Variants in ZNF536 observed in about 807,000 individuals in gnomAD.
ZNF536 encodes zinc finger protein 536.
ZNF536 carries 13 observed loss-of-function variants against 84.5 expected under a neutral mutation model. The ratio of observed to expected loss-of-function variants is 0.15; its 90% CI spans 0.10 to 0.24. The LOEUF (loss-of-function observed/expected upper bound fraction) is 0.24. Ranked by LOEUF, ZNF536 falls within the 10% of genes least tolerant of loss-of-function variation. The pLI is 1.00. For missense variants in ZNF536, 1,536 were observed against 1,747.5 expected, an observed-to-expected ratio of 0.88 and a Z score of 2.16; for synonymous variants, 811 against 742.5, an observed-to-expected ratio of 1.09 and a Z score of -1.50.
intron 2 of ZNF536, among the ~76,000 whole-genome samples, chr19:30,494,448 T>C (rs546952423): frequency 6.6e-6 from 1 of 152,324 alleles, no homozygotes; most frequent in South Asian, 2.1e-4. Context: ...GAATCTGCTG[T>C]CTGAAGGGTG....
At chr19:30,373,754 G>A (rs769132180) in intron 1 of ZNF536, among the ~76,000 whole-genome samples, 2 of 152,220 alleles carry the variant, frequency 1.3e-5, no homozygotes, top group African/African-American at 2.4e-5. Flanking sequence ...AGAAAGCCCC[G>A]GCAAATCTGC....
intron 1 of ZNF536, among the ~76,000 whole-genome samples, chr19:30,570,204 C>T (rs2037945218): frequency 6.6e-6 from 1 of 152,186 alleles, no homozygotes; most frequent in Admixed American, 6.5e-5. Context: ...CGTGCCCTGC[C>T]ATGCAGCTCA....
downstream of ZNF536, among the ~76,000 whole-genome samples, chr19:30,559,611 C>T (rs1460040128): frequency 6.6e-6 from 1 of 152,150 alleles, no homozygotes; most frequent in Non-Finnish European, 1.5e-5. Context: ...CACCATAGCA[C>T]CTGTGGGTTT....
Position 30,231,583 on chromosome 19 carries a change from A to G in ZNF536, c.-190+2910A>G, listed in dbSNP as rs550036434. ...GGTCTCTGTCTGCCTGGTTGGGCTC[A>G]CCTGTGTGCTTCATGTGGTACCTGC... On this transcript the variant is annotated intron_variant, in intron 1 of 5. Transcript: ENST00000585628. 6.6e-5 allele frequency among the ~76,000 whole-genome samples: 10 copies of G among 152,220 alleles called. 1 individual carries two copies. The highest frequency in any genetic ancestry group is 6.5e-4 in the Admixed American group (10 of 15,304).
chr19:30,467,650 T>A (rs2053470812), intron 2 of ZNF536, among the ~76,000 whole-genome samples: 1 of 152,192 alleles, frequency 6.6e-6, no homozygotes, highest in African/African-American at 2.4e-5. Context: ...GGCCATTCAT[T>A]CATGGATTGT....
At chr19:30,384,775 T>C (rs1314440179) in intron 1 of ZNF536, among the ~76,000 whole-genome samples, 2 of 152,076 alleles carry the variant, frequency 1.3e-5, no homozygotes, top group African/African-American at 2.4e-5. Flanking sequence ...ATCTTTAATC[T>C]CAGTGCTTTG....
At chr19:30,551,665 G>C (rs998519136) in intron 4 of ZNF536, among the ~76,000 whole-genome samples, 3 of 152,214 alleles carry the variant, frequency 2.0e-5, no homozygotes, top group African/African-American at 7.2e-5. Context: ...CAGGCCCCTT[G>C]TTCCGCCTTC....
At chr19:30,674,725 G>A (rs1257391756) in intron 1 of ZNF536, among the ~76,000 whole-genome samples, 1 of 152,192 alleles carries the variant, frequency 6.6e-6, no homozygotes. Context: ...AGCTTGTCCA[G>A]CTTGCCTCTG....
intron 1 of ZNF536, among the ~76,000 whole-genome samples, chr19:30,374,996 C>A (rs905112612): frequency 6.6e-6 from 1 of 151,824 alleles, no homozygotes; most frequent in South Asian, 2.1e-4. Context: ...GGAGATCGGG[C>A]GCGCGGGCGC....
intron 1 of ZNF536, among the ~76,000 whole-genome samples, chr19:30,420,835 G>A (rs182320752): frequency 1.3e-5 from 2 of 152,228 alleles, no homozygotes; most frequent in Admixed American, 6.5e-5. Flanking sequence ...TGCTATTTTC[G>A]GAGTCTTTAT....
intron 3 of ZNF536, among the ~76,000 whole-genome samples, chr19:30,538,530 C>A (rs1172849056): frequency 6.6e-6 from 1 of 152,164 alleles, no homozygotes; most frequent in Non-Finnish European, 1.5e-5. Flanking sequence ...ATGCACCAGT[C>A]AGGTTGTTCT....
chr19:30,275,528 T>C (rs2026079646), intron 1 of ZNF536, among the ~76,000 whole-genome samples: 1 of 152,136 alleles, frequency 6.6e-6, no homozygotes, highest in Non-Finnish European at 1.5e-5. Context: ...AGAGATGCTG[T>C]TGCCTTGCGT....
At chr19:30,506,634 G>A (rs2055184885) in intron 2 of ZNF536, among the ~76,000 whole-genome samples, 1 of 152,230 alleles carries the variant, frequency 6.6e-6, no homozygotes, top group African/African-American at 2.4e-5. Context: ...GGTTGTGGGG[G>A]TGTGGGGTGC....
chr19:30,314,976 C>G (rs558441409), intron 2 of ZNF536, among the ~76,000 whole-genome samples: 2 of 152,150 alleles, frequency 1.3e-5, no homozygotes, highest in African/African-American at 2.4e-5. Context: ...CTCAGCGAGG[C>G]CTTTGTGGCC....
chr19:30,328,563 C>G (rs147384848), intron 2 of ZNF536, among the ~76,000 whole-genome samples: 13 of 152,236 alleles, frequency 8.5e-5, no homozygotes. Flanking sequence ...TGGCTGTCCA[C>G]GTAGCCCTAA....
rs188914117 is a variant in ZNF536 at position 30,424,925 on chromosome 19, G to A, written c.-2-18636G>A. ...TGCCACCTTCTGCTTCCCACCCAAC[G>A]CTTCTGGAAGAGCCCAAGCCAACGT... On this transcript the variant is annotated intron_variant, in intron 1 of 4. Coordinates refer to ENST00000355537, the MANE Select transcript of ZNF536 (RefSeq NM_014717.3). 2.4e-3 allele frequency among the ~76,000 whole-genome samples: 368 copies of A among 152,250 alleles called. 2 individuals are homozygous for A. Among genetic ancestry groups the A allele is most frequent in the African/African-American group, 5.5e-3 (228 of 41,534 alleles).
At position 30,548,804 on chromosome 19, in the gene ZNF536, A is replaced by T. The variant is rs200324067; in HGVS notation, c.3185A>T (p.Asp1062Val). 1.5e-4 allele frequency: 240 copies of T among 1,613,810 alleles called. 1 individual carries two copies. In the Admixed American group the frequency reaches 3.9e-3, roughly 26 times the overall value. The change falls in exon 4 of 5, where the codon GAC becomes GTC. Residue 1062 changes from aspartate to valine, a missense_variant. Physicochemically the swap from Asp to Val is radical, Grantham distance 152. Around this residue, in one of 8 missense-constraint regions of ZNF536, gnomAD observed 624 missense variants for 603.1 expected, o/e 1.03. Transcript: ENST00000355537. ...ALLPSLQSNK[D>V]LGLSNMISSL... ...CTGCCCTCGTTACAATCAAACAAAG[A>T]CCTGGGCCTCTCCAATATGATCAGC... is the stretch of plus-strand genomic sequence containing the variant.
chr19:30,614,942 ATTTTTTTTTTTTTT>A (rs555419932), intron 1 of ZNF536, among the ~76,000 whole-genome samples: 1 of 32,316 alleles, frequency 3.1e-5, no homozygotes, highest in Non-Finnish European at 5.8e-5. Flanking sequence ...CCCCTTTTCA[ATTTTTTTTTTTTTT>A]TTTTTTTTGA....
At chr19:30,434,585 G>A (rs922834865) in intron 1 of ZNF536, among the ~76,000 whole-genome samples, 1 of 152,226 alleles carries the variant, frequency 6.6e-6, no homozygotes, top group African/African-American at 2.4e-5. Context: ...GAATAACATA[G>A]CACCAATCAT....
Sources: allele counts gnomAD v4.1 joint callset (sites outside exome capture counted in the v4.1 genomes callset), GRCh38; gene constraint gnomAD v4.1.1; regional missense constraint gnomAD v4.1.1; transcripts MANE v1.5; gene names NCBI Gene and HGNC (gene_info 2026-07-23, HGNC 2026-07-21).